The following AVEN variants were observed in gnomAD, a reference collection of about 807,000 sequenced individuals.
The protein encoded by AVEN is cell death regulator Aven.
Under a neutral mutation model 38.1 loss-of-function variants are expected in AVEN, and 41 were observed. The ratio of observed to expected loss-of-function variants is 1.08; its 90% CI spans 0.84 to 1.40. AVEN has a LOEUF of 1.40. Among genes scored for constraint, AVEN ranks in the 40% most tolerant of loss-of-function variants. The pLI is 0.00. For synonymous variants in AVEN, 206 were observed against 171.8 expected (o/e 1.20, Z -1.56); for missense variants, 605 against 438.8 (o/e 1.38, Z -3.38).
chr15:34,070,455 T>C (rs1391668648), intron 2 of AVEN, among the ~76,000 whole-genome samples: 3 of 152,098 alleles, frequency 2.0e-5, no homozygotes, highest in Non-Finnish European at 4.4e-5. Flanking sequence ...TATTTTAATG[T>C]TTTTAGTTTA....
At chr15:33,895,327 CTT>C (rs11418301) in intron 2 of AVEN, among the ~76,000 whole-genome samples, 25 of 140,862 alleles carry the variant, frequency 1.8e-4, no homozygotes, top group Non-Finnish European at 1.7e-4. Context: ...AACTATATTT[CTT>C]TTTTTTTTTT....
chr15:33,911,116 A>C (rs1892901120), intron 2 of AVEN, among the ~76,000 whole-genome samples: 1 of 152,194 alleles, frequency 6.6e-6, no homozygotes, highest in Non-Finnish European at 1.5e-5. Context: ...AGCAGAATAA[A>C]TGTTCCTTAT....
chr15:33,854,585 A>C, downstream of AVEN: 1 of 1,021,008 alleles, frequency 9.8e-7, no homozygotes, highest in South Asian at 1.6e-5. Context: ...TGCTGGGGGA[A>C]CACTTATACA....
chr15:33,959,327 A>G (rs1567433943), intron 2 of AVEN, among the ~76,000 whole-genome samples: 1 of 152,138 alleles, frequency 6.6e-6, no homozygotes, highest in Non-Finnish European at 1.5e-5. Flanking sequence ...AATGTGCAGC[A>G]GTTTTAGGTA....
At chr15:33,860,575 CTTTGTA>C (rs1567354378) in intron 11 of AVEN, 3 of 1,520,844 alleles carry the variant, frequency 2.0e-6, no homozygotes. Context: ...ATTGCTTTGT[CTTTGTA>C]TTTAACATTC....
At chr15:34,074,865 C>A (rs533977806) in exon 1 of AVEN, among the ~76,000 whole-genome samples, 1 of 151,970 alleles carries the variant, frequency 6.6e-6, no homozygotes, top group Non-Finnish European at 1.5e-5. Context: ...GAACTGTAGA[C>A]CAATGATGGG....
chr15:33,929,447 C>T (rs541255082), intron 2 of AVEN, among the ~76,000 whole-genome samples: 10 of 152,216 alleles, frequency 6.6e-5, no homozygotes, highest in Admixed American at 4.6e-4. Flanking sequence ...GCCTCTGGGC[C>T]GAGGGAAAAA....
intron 2 of AVEN, among the ~76,000 whole-genome samples, chr15:33,968,446 C>T (rs916280698): frequency 6.6e-6 from 1 of 152,080 alleles, no homozygotes; most frequent in African/African-American, 2.4e-5. Context: ...TGTATGGCAG[C>T]GTCATCCCAT....
At chr15:34,002,646 GA>G (rs931585594) in intron 2 of AVEN, among the ~76,000 whole-genome samples, 18 of 151,292 alleles carry the variant, frequency 1.2e-4, no homozygotes, top group Non-Finnish European at 2.5e-4. Flanking sequence ...TTAAAAAAAG[GA>G]AAAAAAAGAG....
At chr15:33,870,340 A>G (rs1343196994) in intron 4 of AVEN, among the ~76,000 whole-genome samples, 11 of 152,132 alleles carry the variant, frequency 7.2e-5, no homozygotes, top group Non-Finnish European at 1.6e-4. Flanking sequence ...AGTCTTCTCT[A>G]CTTGGCAGCC....
At chr15:33,853,689 A>G in the AVEN span, 1 of 1,612,114 alleles carries the variant, frequency 6.2e-7, no homozygotes, top group East Asian at 2.2e-5. Flanking sequence ...CATGGTACAA[A>G]AAGCTTAGGA....
intron 2 of AVEN, among the ~76,000 whole-genome samples, chr15:33,889,704 A>G (rs1402452244): frequency 6.6e-6 from 1 of 152,232 alleles, no homozygotes; most frequent in Non-Finnish European, 1.5e-5. Context: ...GGCAAATGAC[A>G]TACAGAGTAA....
chr15:33,873,094 C>CTTTTTTTTT (rs34223352), intron 3 of AVEN, among the ~76,000 whole-genome samples: 47 of 85,136 alleles, frequency 5.5e-4, no homozygotes, highest in South Asian at 1.7e-3. Flanking sequence ...TTTTCCTTTT[C>CTTTTTTTTT]TTTTTTTTTT....
At chr15:33,999,783 A>G (rs1650354934) in intron 2 of AVEN, among the ~76,000 whole-genome samples, 1 of 152,114 alleles carries the variant, frequency 6.6e-6, no homozygotes, top group South Asian at 2.1e-4. Flanking sequence ...CTTCCTAACT[A>G]GTCTACCCGC....
intron 2 of AVEN, among the ~76,000 whole-genome samples, chr15:33,884,499 C>T (rs935692410): frequency 6.6e-5 from 10 of 152,106 alleles, no homozygotes; most frequent in African/African-American, 2.4e-4. Flanking sequence ...TTTATAATAT[C>T]CAGGATTTTC....
chr15:33,980,973 G>C (rs1250437532), intron 2 of AVEN, among the ~76,000 whole-genome samples: 2 of 152,150 alleles, frequency 1.3e-5, no homozygotes, highest in African/African-American at 4.8e-5. Context: ...CACTCTGCAA[G>C]TAAAAACTTT....
chr15:33,935,297 G>A (rs1894014863), intron 2 of AVEN, among the ~76,000 whole-genome samples: 1 of 152,164 alleles, frequency 6.6e-6, no homozygotes, highest in Non-Finnish European at 1.5e-5. Flanking sequence ...AAAAATGCTA[G>A]CTAGCACAAG....
chr15:33,968,148 A>G (rs1205507688), intron 2 of AVEN, among the ~76,000 whole-genome samples: 1 of 149,902 alleles, frequency 6.7e-6, no homozygotes, highest in Non-Finnish European at 1.5e-5. Context: ...AAAGACTAAC[A>G]GGAAAAAATG....
intron 2 of AVEN, among the ~76,000 whole-genome samples, chr15:33,904,085 C>T (rs1892593181): frequency 6.6e-6 from 1 of 152,222 alleles, no homozygotes. Context: ...TTGACCAAAA[C>T]ATCATTATGC....
Sources: gnomAD v4.1 joint callset for allele counts (sites outside exome capture counted in the v4.1 genomes callset) on GRCh38, gnomAD v4.1.1 for gene constraint, MANE v1.5 for transcripts, NCBI Gene and HGNC (gene_info 2026-07-23, HGNC 2026-07-21) for gene names.